Variants in ZFYVE28 observed in about 807,000 individuals in gnomAD.
The protein encoded by ZFYVE28 is zinc finger FYVE-type containing 28.
Under a neutral mutation model 82.1 loss-of-function variants are expected in ZFYVE28, and 40 were observed. That is an observed-to-expected ratio of 0.49 (90% CI 0.38 to 0.63). ZFYVE28 has a LOEUF of 0.63. Among genes scored for constraint, ZFYVE28 ranks in the 30% least tolerant of loss-of-function variants. ZFYVE28 has a pLI of 0.00. For synonymous variants in ZFYVE28, 612 were observed against 546.1 expected (o/e 1.12, Z -1.68); for missense variants, 1,321 against 1,242.1 (o/e 1.06, Z -0.96).
rs1265441012 is a variant in ZFYVE28, at chr4:2,341,645, A to G, written c.181-30T>C. The G allele has an allele frequency of 6.3e-7, 1 of 1,594,004 alleles. No individual in the cohort carries two copies. The highest frequency in any genetic ancestry group is 1.1e-5 in the South Asian group (1 of 90,364). On this transcript the variant is annotated intron_variant, in intron 2 of 12. Transcript: ENST00000290974. The surrounding 1 kb of genome is among the most constrained non-coding windows in gnomAD (Gnocchi z 4.5). ...AACAGAAGACAGGAGAAAGTGCGCC[A>G]ATCGCTGTGTCCAGCTGGCGGCCGC...
At chr4:2,283,522 C>T (rs1463288968) in intron 8 of ZFYVE28, among the ~76,000 whole-genome samples, 1 of 149,084 alleles carries the variant, frequency 6.7e-6, no homozygotes, top group Non-Finnish European at 1.5e-5. Flanking sequence ...ACCCATCCAT[C>T]TAATCATCAG....
In ZFYVE28 at chr4:2,305,175, G is replaced by T; in HGVS notation, c.1165C>A (p.Arg389Ser). 1 of 1,595,008 alleles carries T rather than the reference G, an allele frequency of 6.3e-7. No homozygotes were observed. Among genetic ancestry groups the T allele is most frequent in the Non-Finnish European group, 8.6e-7 (1 of 1,168,178 alleles). ...PGGEASPGRP[R>S]LRSGSDEEER... ...TCCTCGTCACTGCCTGACCGCAGGC[G>T]CGGTCTACCTGGAGAGGCCTCCCCG... is the stretch of plus-strand genomic sequence containing the variant. The change falls in exon 8 of 13, where the codon CGC (arginine) becomes AGC (serine). Residue 389 changes from arginine (R) to serine (S), a missense_variant. Physicochemically the swap from Arg to Ser is moderately radical, Grantham distance 110. This residue lies in a region of ZFYVE28 where 978 missense variants were observed against 833.7 expected (regional missense o/e 1.17). Coordinates refer to ENST00000290974, the MANE Select transcript of ZFYVE28 (RefSeq NM_020972.3).
intron 6 of ZFYVE28, among the ~76,000 whole-genome samples, chr4:2,333,825 A>T (rs1360960216): frequency 6.6e-6 from 1 of 152,248 alleles, no homozygotes; most frequent in Non-Finnish European, 1.5e-5. Flanking sequence ...TGTTTTTTAA[A>T]CAAAGAGAAG....
intron 1 of ZFYVE28, among the ~76,000 whole-genome samples, chr4:2,387,683 T>A (rs1411899005): frequency 1.3e-5 from 2 of 152,158 alleles, no homozygotes; most frequent in African/African-American, 4.8e-5. Context: ...GGAATACTGG[T>A]TGAACAAGCG....
At position 2,372,923 on chromosome 4, in the gene ZFYVE28, T is replaced by TA. The variant is rs1268544481; in HGVS notation, c.40-18851dup. Among the ~76,000 whole-genome samples, 2 of 151,936 alleles carry TA rather than the reference T, an allele frequency of 1.3e-5. No homozygotes were observed. Among genetic ancestry groups the TA allele is most frequent in the African/African-American group, 4.8e-5 (2 of 41,338 alleles). On this transcript the variant is annotated intron_variant, in intron 1 of 12. Transcript: ENST00000290974. The surrounding 1 kb of genome is among the most constrained non-coding windows in gnomAD (Gnocchi z 5.2). ...TCTCTGCCAGCCAACCTTGGACGAC[T>TA]AGGGAGGGAAAAACCACCGCATGCC...
chr4:2,413,354 G>C (rs982584497), intron 1 of ZFYVE28, among the ~76,000 whole-genome samples: 1 of 152,266 alleles, frequency 6.6e-6, no homozygotes, highest in Non-Finnish European at 1.5e-5. Flanking sequence ...AAAAAGGAAG[G>C]CTTTCTGGGA....
At chr4:2,358,502 G>A (rs1725665111) in intron 1 of ZFYVE28, among the ~76,000 whole-genome samples, 1 of 152,178 alleles carries the variant, frequency 6.6e-6, no homozygotes, top group Non-Finnish European at 1.5e-5. Flanking sequence ...TTGGTGCCCT[G>A]CAGGGAAGCC....
At chr4:2,357,437 G>A (rs1725496259) in intron 1 of ZFYVE28, among the ~76,000 whole-genome samples, 1 of 152,204 alleles carries the variant, frequency 6.6e-6, no homozygotes. Context: ...TTCGGGGTGG[G>A]GCTGAGCTCG....
intron 1 of ZFYVE28, among the ~76,000 whole-genome samples, chr4:2,405,152 C>T (rs970458562): frequency 4.6e-5 from 7 of 152,348 alleles, no homozygotes; most frequent in South Asian, 2.1e-4. Flanking sequence ...CCAAAGTGAG[C>T]CCCAGATACC....
chr4:2,331,022 GT>G, intron 6 of ZFYVE28: 2 of 1,442,888 alleles, frequency 1.4e-6, no homozygotes, highest in Non-Finnish European at 1.8e-6. Context: ...TCCTGCACGT[GT>G]TCTGGGATGG....
intron 1 of ZFYVE28, among the ~76,000 whole-genome samples, chr4:2,415,713 G>A (rs1157176145): frequency 1.3e-5 from 2 of 152,158 alleles, no homozygotes; most frequent in Non-Finnish European, 2.9e-5. Context: ...GCCAAAATGT[G>A]TTAAATTAGA....
chr4:2,341,786 G>A lies in ZFYVE28; in HGVS notation c.181-171C>T, dbSNP rs1037482198. On this transcript the variant is annotated intron_variant, in intron 2 of 12. Transcript: ENST00000290974. This position sits in a 1 kb window ranked among gnomAD's most constrained non-coding sequence, Gnocchi z 4.5. ...TATAATGCCAGCACTTTGGGAGGCC[G>A]AGGCGGGTGGTTTACCTGAGGTTAG... is the stretch of plus-strand genomic sequence containing the variant. 3.9e-5 allele frequency among the ~76,000 whole-genome samples: 6 copies of A among 152,206 alleles called. No homozygotes were observed. Among genetic ancestry groups the A allele is most frequent in the Admixed American group, 6.5e-5 (1 of 15,288 alleles).
rs541069410 is a variant in ZFYVE28 at position 2,283,272 on chromosome 4, C to T, written c.2052-9056G>A. Among the ~76,000 whole-genome samples the T allele has an allele frequency of 7.7e-4, 117 of 151,766 alleles. 2 individuals carry two copies. Among genetic ancestry groups the T allele is most frequent in the Non-Finnish European group, 7.9e-4 (54 of 67,938 alleles). On this transcript the variant is annotated intron_variant, in intron 8 of 12. Coordinates refer to ENST00000290974, the MANE Select transcript of ZFYVE28 (RefSeq NM_020972.3). ...TCCACCCATGTACCCACCTGTCCAC[C>T]CACCAATCCGTCTACCCATCATCCA... is the stretch of plus-strand genomic sequence containing the variant.
At chr4:2,284,808 G>A (rs930429143) in intron 8 of ZFYVE28, among the ~76,000 whole-genome samples, 1 of 152,158 alleles carries the variant, frequency 6.6e-6, no homozygotes, top group African/African-American at 2.4e-5. Context: ...TGCCAAAGTC[G>A]TACCAGCTCA....
At chr4:2,349,284 G>A (rs769276606) in intron 2 of ZFYVE28, among the ~76,000 whole-genome samples, 18 of 147,388 alleles carry the variant, frequency 1.2e-4, no homozygotes, top group African/African-American at 2.0e-4. Context: ...TGCAAACACC[G>A]CATATTCTCA....
At chr4:2,334,344 C>T (rs375563640) in intron 6 of ZFYVE28, among the ~76,000 whole-genome samples, 5 of 152,016 alleles carry the variant, frequency 3.3e-5, no homozygotes, top group Non-Finnish European at 7.4e-5. Flanking sequence ...CCGGCAGCAG[C>T]CCCCATTGCT....
At position 2,304,883 on chromosome 4, in the gene ZFYVE28, A is replaced by G; in HGVS notation, c.1457T>C (p.Leu486Pro). The change falls in exon 8 of 13, where the codon CTG becomes CCG. Residue 486 changes from leucine to proline, a missense_variant. Leu to Pro is a moderately conservative substitution (Grantham distance 98, BLOSUM62 -3). Coordinates refer to ENST00000290974, the MANE Select transcript of ZFYVE28 (RefSeq NM_020972.3). ...ACCCACCTCCCAGCCGTCCAGGTGC[A>G]GCCGCGAGTCCAGGCAGCTGCAGGA... ...TSSCSCLDSR[L>P]HLDGWEVGAD... The G allele has an allele frequency of 1.2e-6, 2 of 1,612,652 alleles. No homozygotes were observed. Among genetic ancestry groups the G allele is most frequent in the Non-Finnish European group, 1.7e-6 (2 of 1,179,854 alleles).
chr4:2,391,761 A>G (rs2108925324), intron 1 of ZFYVE28, among the ~76,000 whole-genome samples: 2 of 126,180 alleles, frequency 1.6e-5, no homozygotes, highest in African/African-American at 5.7e-5. Context: ...TTTGTGACTG[A>G]GTCTTGCTCT....
intron 1 of ZFYVE28, among the ~76,000 whole-genome samples, chr4:2,375,802 A>C (rs1214856755): frequency 6.6e-6 from 1 of 152,218 alleles, no homozygotes; most frequent in Non-Finnish European, 1.5e-5. Context: ...CCCAGATTTC[A>C]GAGTTCACCA....
Sources: gnomAD v4.1 joint callset for allele counts (sites outside exome capture counted in the v4.1 genomes callset) on GRCh38, gnomAD v4.1.1 for gene constraint, gnomAD v4.1.1 regional missense constraint, Gnocchi (gnomAD v3.1) non-coding constraint, MANE v1.5 for transcripts, NCBI Gene and HGNC (gene_info 2026-07-23, HGNC 2026-07-21) for gene names.